HMCN1: variants seen among roughly 807,000 people sequenced by gnomAD.
The protein encoded by HMCN1 is hemicentin-1.
Under a neutral mutation model 625.9 loss-of-function variants are expected in HMCN1, and 321 were observed. That is an observed-to-expected ratio of 0.51 (90% CI 0.47 to 0.56). The LOEUF (loss-of-function observed/expected upper bound fraction) is 0.56. Among genes scored for constraint, HMCN1 ranks in the 20% least tolerant of loss-of-function variants. The pLI is 0.00. For synonymous variants in HMCN1, 2,425 were observed against 2,417.6 expected, an observed-to-expected ratio of 1.00 and a Z score of -0.09; for missense variants, 6,588 against 6,887.3, an observed-to-expected ratio of 0.96 and a Z score of 1.54.
chr1:185,762,995 A>G (rs1364950911), intron 1 of HMCN1, among the ~76,000 whole-genome samples: 2 of 152,158 alleles, frequency 1.3e-5, no homozygotes, highest in African/African-American at 4.8e-5. Flanking sequence ...CATAACCCAA[A>G]GGTTAAGGAA....
At position 186,153,797 on chromosome 1, in the gene HMCN1, C is replaced by T; in HGVS notation, c.15066C>T (p.Ala5022=). ...YIQTGPGQLY[A]YSTRLFTIDG... Reference sequence around the variant, plus strand: ...AAACAGGTCCTGGGCAGCTGTACGCCTACTCAACCCGGCTGTTCACCATTG... The same window carrying T: ...AAACAGGTCCTGGGCAGCTGTACGCTTACTCAACCCGGCTGTTCACCATTG... The change falls in exon 97 of 107, where the codon GCC becomes GCT. Residue 5022 remains alanine (A), a synonymous_variant. Coordinates refer to ENST00000271588, the MANE Select transcript of HMCN1 (RefSeq NM_031935.3). 1 of 1,614,166 alleles carries T rather than the reference C, an allele frequency of 6.2e-7. No individual in the cohort carries two copies. Among genetic ancestry groups the T allele is most frequent in the Non-Finnish European group, 8.5e-7 (1 of 1,180,022 alleles).
At chr1:185,741,491 T>C (rs1400012067) in intron 1 of HMCN1, among the ~76,000 whole-genome samples, 1 of 152,164 alleles carries the variant, frequency 6.6e-6, no homozygotes, top group Non-Finnish European at 1.5e-5. Flanking sequence ...ATATAGATGG[T>C]ATTTAGGACA....
chr1:186,123,263 A>G (rs771912837), intron 81 of HMCN1, 43 bp downstream of exon 81: 13 of 1,588,502 alleles, frequency 8.2e-6, no homozygotes, highest in South Asian at 1.1e-5. Flanking sequence ...CTGCACTACC[A>G]TGGCAAAGAG....
intron 1 of HMCN1, among the ~76,000 whole-genome samples, chr1:185,800,064 C>T (rs1658688171): frequency 1.3e-5 from 2 of 152,194 alleles, no homozygotes; most frequent in Non-Finnish European, 2.9e-5. Flanking sequence ...GCAGAGGTGC[C>T]TCTACCATGC....
intron 4 of HMCN1, among the ~76,000 whole-genome samples, chr1:185,903,129 T>C (rs1665908214): frequency 6.6e-6 from 1 of 151,852 alleles, no homozygotes; most frequent in Non-Finnish European, 1.5e-5. Context: ...ACACAAAAAT[T>C]TTATAAAGAT....
intron 64 of HMCN1, among the ~76,000 whole-genome samples, chr1:186,091,679 T>C (rs1429374561): frequency 6.6e-6 from 1 of 152,048 alleles, no homozygotes; most frequent in East Asian, 1.9e-4. Context: ...AATTTGATAT[T>C]GTACTAGATT....
chr1:186,090,154 T>C (rs1230434635), intron 63 of HMCN1, among the ~76,000 whole-genome samples: 1 of 144,546 alleles, frequency 6.9e-6, no homozygotes, highest in Non-Finnish European at 1.5e-5. Flanking sequence ...TCTGATACCA[T>C]TGGCAGTATT....
chr1:185,907,071 G>A (rs541497888), intron 4 of HMCN1, among the ~76,000 whole-genome samples: 1 of 150,822 alleles, frequency 6.6e-6, no homozygotes, highest in East Asian at 2.0e-4. Context: ...GTTAGTTACA[G>A]TCAGTCTGGT....
intron 68 of HMCN1, among the ~76,000 whole-genome samples, chr1:186,102,139 A>G (rs1042495752): frequency 2.0e-5 from 3 of 152,160 alleles, no homozygotes; most frequent in African/African-American, 7.2e-5. Flanking sequence ...GTTTTTATTT[A>G]ATCCAGTAAG....
rs1406608039 is a variant in HMCN1, at chr1:185,997,507, T to C, written c.3857T>C (p.Phe1286Ser). The C allele has an allele frequency of 6.2e-7, 1 of 1,609,104 alleles. No homozygotes were observed. The highest frequency in any genetic ancestry group is 1.3e-5 in the African/African-American group (1 of 74,754). The change falls in exon 25 of 107, where the codon TTT (phenylalanine) becomes TCT (serine). Residue 1286 changes from phenylalanine (F) to serine (S), a missense_variant. By Grantham distance (155) the Phe-to-Ser change is radical (BLOSUM62 -2). This residue lies in a region of HMCN1 where 4,628 missense variants were observed against 4,853.1 expected (regional missense o/e 0.95). Coordinates refer to ENST00000271588, the MANE Select transcript of HMCN1 (RefSeq NM_031935.3). The stretch of plus-strand genomic sequence containing the variant: ...AGAGTGGCCAATCAACGCATTGAAT[T>C]TCCATGTCCTGCAAAAGGTACGTAA... ...QERVANQRIE[F>S]PCPAKGTPKP...
chr1:185,936,095 C>G (rs1157482444), intron 11 of HMCN1, among the ~76,000 whole-genome samples: 1 of 152,132 alleles, frequency 6.6e-6, no homozygotes, highest in East Asian at 1.9e-4. Flanking sequence ...TAATTCACAG[C>G]CTCATTTATG....
At chr1:185,806,340 T>A (rs1054423532) in intron 1 of HMCN1, among the ~76,000 whole-genome samples, 7 of 152,052 alleles carry the variant, frequency 4.6e-5, no homozygotes, top group African/African-American at 1.4e-4. Context: ...GGAGTGCTTT[T>A]CTCAGATTTA....
chr1:185,974,261 T>C (rs754927172), intron 15 of HMCN1, among the ~76,000 whole-genome samples: 5 of 152,120 alleles, frequency 3.3e-5, no homozygotes, highest in Admixed American at 6.6e-5. Flanking sequence ...ACCACAGAAA[T>C]TAACCATAGA....
intron 1 of HMCN1, among the ~76,000 whole-genome samples, chr1:185,831,784 G>A (rs910069629): frequency 1.3e-5 from 2 of 152,044 alleles, no homozygotes; most frequent in East Asian, 3.9e-4. Context: ...CTAGCCATAA[G>A]TTTACCAAGA....
At position 186,132,470 on chromosome 1, in the gene HMCN1, T is replaced by TA; in HGVS notation, c.13312+62dup. ...TTAGGAAATATTACCTAATAAAGAG[T>TA]ATTTATTTTCTTTAACTCTATAGCA... On this transcript the variant is annotated intron_variant, in intron 86 of 106. Coordinates refer to ENST00000271588, the MANE Select transcript of HMCN1 (RefSeq NM_031935.3). The TA allele has an allele frequency of 5.3e-6, 7 of 1,311,314 alleles. No homozygotes were observed. In the South Asian group the frequency reaches 7.6e-5, roughly 14 times the overall value. 81.2% of individuals were successfully genotyped at this position (1,311,314 alleles called of 1,614,324 possible).
At position 186,137,898 on chromosome 1, in the gene HMCN1, C is replaced by A. The variant is rs1283577409; in HGVS notation, c.13850C>A (p.Ser4617Ter). The change falls in exon 89 of 107, where the codon TCA (serine) becomes TAA (stop). Residue 4617 changes from serine to a stop codon, truncating the protein, a stop_gained. Coordinates refer to ENST00000271588, the MANE Select transcript of HMCN1 (RefSeq NM_031935.3). LOFTEE classifies it high-confidence loss of function. Reference sequence around the variant, plus strand: ...AGGACCAGGACTTGCAATAATCCATCAGTTCAGCATGGTGGGCGGCCATGT... The same window carrying A: ...AGGACCAGGACTTGCAATAATCCATAAGTTCAGCATGGTGGGCGGCCATGT... Reference protein sequence around the residue: ...QTRTRTCNNPSVQHGGRPCEG... With the variant: ...QTRTRTCNNP 1 of 1,613,974 alleles carries A rather than the reference C, an allele frequency of 6.2e-7. No individual in the cohort carries two copies.
rs1233923945 is a variant in HMCN1 at position 186,102,335 on chromosome 1, C to A, written c.10574-1137C>A. Among the ~76,000 whole-genome samples the A allele has an allele frequency of 4.6e-5, 7 of 152,076 alleles. No individual in the cohort carries two copies. In the South Asian group the frequency reaches 1.2e-3, roughly 27 times the overall value. On this transcript the variant is annotated intron_variant, in intron 68 of 106. Transcript: ENST00000271588. ...AAGGAGAACTGACTTAGTATATTAT[C>A]TTTCTCCAGAAGGAAAACAGAGACT...
intron 93 of HMCN1, among the ~76,000 whole-genome samples, chr1:186,147,360 A>T (rs1650379108): frequency 1.3e-5 from 2 of 149,296 alleles, no homozygotes; most frequent in African/African-American, 4.9e-5. Flanking sequence ...CCCAATTCAG[A>T]CATAAGCTCT....
At chr1:186,100,397 C>A (rs1660331660) in intron 68 of HMCN1, among the ~76,000 whole-genome samples, 1 of 151,962 alleles carries the variant, frequency 6.6e-6, no homozygotes, top group African/African-American at 2.4e-5. Flanking sequence ...TAATTCTATC[C>A]ATGTGGTGGG....
Sources: gnomAD v4.1 joint callset for allele counts (sites outside exome capture counted in the v4.1 genomes callset) on GRCh38, gnomAD v4.1.1 for gene constraint, gnomAD v4.1.1 regional missense constraint, MANE v1.5 for transcripts, NCBI Gene and HGNC (gene_info 2026-07-23, HGNC 2026-07-21) for gene names.